XRCC5: variants seen among roughly 807,000 people sequenced by gnomAD.
XRCC5 encodes X-ray repair cross complementing 5, also known as DNA repair protein Ku80.
A neutral mutation model predicts 95.7 loss-of-function variants in XRCC5; 12 were observed. That is an observed-to-expected ratio of 0.13 (90% CI 0.08 to 0.20). The LOEUF is 0.20. Among genes scored for constraint, XRCC5 ranks in the 10% least tolerant of loss-of-function variants. XRCC5 has a pLI of 1.00. For missense variants in XRCC5, 595 were observed against 873.9 expected, an observed-to-expected ratio of 0.68 and a Z score of 4.02; for synonymous variants, 281 against 290.3, an observed-to-expected ratio of 0.97 and a Z score of 0.33.
At chr2:216,187,044 C>T (rs988230882) in intron 16 of XRCC5, among the ~76,000 whole-genome samples, 8 of 152,094 alleles carry the variant, frequency 5.3e-5, no homozygotes, top group Admixed American at 3.3e-4. Context: ...TTAAATGGTT[C>T]GTTATAGTCA....
chr2:216,153,108 T>G (rs2106022295), intron 14 of XRCC5, among the ~76,000 whole-genome samples: 1 of 152,322 alleles, frequency 6.6e-6, no homozygotes, highest in East Asian at 1.9e-4. Context: ...TTCTGCAACC[T>G]TTCTCAGCTC....
intron 18 of XRCC5, 39 bp downstream of exon 18, chr2:216,192,774 T>C (rs763914532): frequency 1.7e-4 from 231 of 1,333,682 alleles, no homozygotes; most frequent in Non-Finnish European, 2.3e-4. Flanking sequence ...AAAGTATTTT[T>C]AAAATACTTA....
At chr2:216,190,156 CAAACACAGAAGCAT>C in intron 16 of XRCC5, 55 bp from the exon 17 acceptor site, 1 of 1,374,422 alleles carries the variant, frequency 7.3e-7, no homozygotes, top group Non-Finnish European at 1.0e-6. Context: ...CTTATAGGCA[CAAACACAGAAGCAT>C]ACCCTCTCTC....
chr2:216,132,508 AATC>A (rs1697011717), intron 10 of XRCC5, 121 bp downstream of exon 10: 5 of 957,196 alleles, frequency 5.2e-6, no homozygotes, highest in Middle Eastern at 2.1e-4. Flanking sequence ...GGAGTGGGGA[AATC>A]CACTGATGTT....
intron 16 of XRCC5, chr2:216,175,461 T>A (rs1689254803): frequency 3.9e-6 from 2 of 514,402 alleles, no homozygotes; most frequent in Admixed American, 4.0e-5. Context: ...TTTACAGTTG[T>A]GCTTGTTAAT....
intron 6 of XRCC5, 106 bp downstream of exon 6, chr2:216,122,359 T>A: frequency 1.9e-6 from 2 of 1,028,514 alleles, no homozygotes; most frequent in South Asian, 1.7e-5. Context: ...ACTCTCTAAT[T>A]AGTCATTGCT....
At chr2:216,110,618 A>G (rs1364776280) in intron 1 of XRCC5, 1 of 152,246 alleles carries the variant, frequency 6.6e-6, no homozygotes, top group East Asian at 1.9e-4. Flanking sequence ...GCTGCCAGAT[A>G]GGAACTCAGA....
chr2:216,122,008 A>T (rs531002382), intron 5 of XRCC5, 54 bp from the exon 6 acceptor site: 193 of 1,449,602 alleles, frequency 1.3e-4, no homozygotes, highest in South Asian at 4.0e-4. Context: ...CTCATAGCTG[A>T]TGAGTTACAG....
intron 19 of XRCC5, among the ~76,000 whole-genome samples, chr2:216,203,488 T>C (rs1221284094): frequency 6.6e-6 from 1 of 152,178 alleles, no homozygotes; most frequent in Non-Finnish European, 1.5e-5. Context: ...TGCTATCCCT[T>C]GGAGGGACAG....
At chr2:216,171,159 G>C (rs1346397925) in intron 16 of XRCC5, among the ~76,000 whole-genome samples, 1 of 152,234 alleles carries the variant, frequency 6.6e-6, no homozygotes, top group Non-Finnish European at 1.5e-5. Flanking sequence ...AATGTGTTAA[G>C]AGGAGCCAAG....
intron 4 of XRCC5, 23 bp from the exon 5 acceptor site, chr2:216,119,020 A>G (rs201183966): frequency 3.3e-4 from 525 of 1,608,298 alleles, no homozygotes; most frequent in Non-Finnish European, 4.1e-4. Context: ...ATGATTTCTT[A>G]ATATGATAAC....
chr2:216,110,402 T>C (rs1167108806), intron 1 of XRCC5: 1 of 152,128 alleles, frequency 6.6e-6, no homozygotes, highest in Non-Finnish European at 1.5e-5. Context: ...CATTGAGAAA[T>C]GTTGATTAAA....
chr2:216,197,113 A>G (rs1689737956), intron 19 of XRCC5, among the ~76,000 whole-genome samples: 1 of 152,242 alleles, frequency 6.6e-6, no homozygotes, highest in Non-Finnish European at 1.5e-5. Context: ...GACAGGAAAG[A>G]AATCTGAAAA....
At chr2:216,144,780 T>C (rs1688591839) in intron 13 of XRCC5, among the ~76,000 whole-genome samples, 1 of 152,146 alleles carries the variant, frequency 6.6e-6, no homozygotes, top group Non-Finnish European at 1.5e-5. Context: ...GTCCTCCTCA[T>C]TGAGGCAGAA....
intron 14 of XRCC5, among the ~76,000 whole-genome samples, chr2:216,155,025 A>G (rs949578351): frequency 2.6e-5 from 4 of 152,038 alleles, no homozygotes; most frequent in African/African-American, 7.2e-5. Context: ...AAAAAAATAT[A>G]TAAAAGCCTG....
intron 17 of XRCC5, among the ~76,000 whole-genome samples, chr2:216,191,706 C>T (rs9288517): frequency 0.36 from 54,423 of 151,972 alleles, 10,640 homozygotes; most frequent in East Asian, 0.71. Flanking sequence ...CCACTGCGCC[C>T]GGCCAAGGGA....
intron 14 of XRCC5, among the ~76,000 whole-genome samples, chr2:216,154,821 C>T (rs1316407860): frequency 6.6e-6 from 1 of 152,098 alleles, no homozygotes; most frequent in Non-Finnish European, 1.5e-5. Flanking sequence ...CTAATGGCCT[C>T]CCATTATCCC....
intron 9 of XRCC5, 58 bp downstream of exon 9, chr2:216,131,045 C>T: frequency 6.8e-7 from 1 of 1,476,336 alleles, no homozygotes; most frequent in African/African-American, 1.4e-5. Context: ...AAATGGTATG[C>T]TTTTGATTGG....
intron 3 of XRCC5, chr2:216,117,544 T>C (rs1268808931): frequency 2.0e-6 from 1 of 504,372 alleles, no homozygotes; most frequent in African/African-American, 1.9e-5. Flanking sequence ...TTCTTGGTTG[T>C]TTTTGGCAGA....
Sources: gnomAD v4.1 joint callset for allele counts (sites outside exome capture counted in the v4.1 genomes callset) on GRCh38, gnomAD v4.1.1 for gene constraint, MANE v1.5 for transcripts, NCBI Gene and HGNC (gene_info 2026-07-23, HGNC 2026-07-21) for gene names.